Variants in CCDC91 observed in about 807,000 individuals in gnomAD.
CCDC91 encodes the protein coiled-coil domain-containing protein 91.
Under a neutral mutation model 63.2 loss-of-function variants are expected in CCDC91, and 48 were observed. The ratio of observed to expected loss-of-function variants is 0.76; its 90% CI spans 0.60 to 0.97. The LOEUF is 0.97. CCDC91 is among the 50% of genes least tolerant of loss of function. The pLI is 0.00. For synonymous variants in CCDC91, 167 were observed against 165.8 expected (o/e 1.01, Z -0.06); for missense variants, 500 against 494.6 (o/e 1.01, Z -0.10).
At chr12:28,497,896 A>G (rs1334340709) in intron 12 of CCDC91, among the ~76,000 whole-genome samples, 1 of 151,608 alleles carries the variant, frequency 6.6e-6, no homozygotes, top group East Asian at 1.9e-4. Flanking sequence ...TAATGTATTC[A>G]ACCCTTTGCT....
At chr12:28,520,349 G>T (rs201297047) in intron 12 of CCDC91, among the ~76,000 whole-genome samples, 1 of 152,090 alleles carries the variant, frequency 6.6e-6, no homozygotes, top group East Asian at 1.9e-4. Flanking sequence ...TCATGTGCCT[G>T]TTGGCTGCAT....
chr12:28,303,684 C>G (rs980566070), intron 3 of CCDC91, among the ~76,000 whole-genome samples: 3 of 152,070 alleles, frequency 2.0e-5, no homozygotes, highest in Non-Finnish European at 4.4e-5. Context: ...CAACACTTTA[C>G]TAAATGCTTT....
intron 1 of CCDC91, among the ~76,000 whole-genome samples, chr12:28,200,429 C>T (rs1289299531): frequency 1.6e-4 from 24 of 145,952 alleles, no homozygotes; most frequent in South Asian, 4.5e-4. Context: ...GAGGACCCTG[C>T]GGCCTTCCGC....
intron 6 of CCDC91, 90 bp from the exon 7 acceptor site, chr12:28,362,348 A>G (rs1176830064): frequency 6.5e-6 from 5 of 768,608 alleles, no homozygotes; most frequent in Non-Finnish European, 8.4e-6. Flanking sequence ...CCACTGAATC[A>G]TTCGTGGAAG....
intron 11 of CCDC91, among the ~76,000 whole-genome samples, chr12:28,459,524 A>G (rs1411017857): frequency 1.3e-5 from 2 of 152,146 alleles, no homozygotes; most frequent in African/African-American, 2.4e-5. Flanking sequence ...AGTTATTTAA[A>G]ATAGTGCTTC....
chr12:28,421,671 A>G (rs1176654872), intron 8 of CCDC91, among the ~76,000 whole-genome samples: 2 of 151,934 alleles, frequency 1.3e-5, no homozygotes, highest in East Asian at 1.9e-4. Flanking sequence ...GATGATTCCA[A>G]CAGTTTCCTG....
At chr12:28,247,070 T>C (rs1245497268) in intron 1 of CCDC91, among the ~76,000 whole-genome samples, 1 of 152,232 alleles carries the variant, frequency 6.6e-6, no homozygotes, top group Non-Finnish European at 1.5e-5. Context: ...CGTAGTGATT[T>C]GGCCAGCATC....
intron 12 of CCDC91, among the ~76,000 whole-genome samples, chr12:28,515,782 TA>T (rs1355295360): frequency 5.3e-5 from 8 of 151,918 alleles, no homozygotes; most frequent in African/African-American, 1.7e-4. Context: ...GATTCTATGT[TA>T]TTTTTTTCCT....
At chr12:28,277,320 C>G (rs1948303745) in intron 3 of CCDC91, among the ~76,000 whole-genome samples, 1 of 151,820 alleles carries the variant, frequency 6.6e-6, no homozygotes, top group Admixed American at 6.6e-5. Context: ...TGGGTTTTTT[C>G]TTTGATGAGG....
In CCDC91 at chr12:28,470,558, A is replaced by G. The variant is rs367946247; in HGVS notation, c.1102-13494A>G. Among the ~76,000 whole-genome samples the G allele has an allele frequency of 3.5e-4, 53 of 152,278 alleles. 1 individual carries two copies. In the South Asian group the frequency reaches 4.1e-3, roughly 12 times the overall value. On this transcript the variant is annotated intron_variant, in intron 11 of 12. Coordinates refer to ENST00000536442, the MANE Select transcript of CCDC91 (RefSeq NM_018318.5). ...CTCAAAAATCAAAAATAGAACTACC[A>G]TAGGATCCAGCCATCCCACTCCTGG...
chr12:28,398,256 T>A (rs1317346574), intron 8 of CCDC91, among the ~76,000 whole-genome samples: 3 of 152,180 alleles, frequency 2.0e-5, no homozygotes, highest in African/African-American at 7.2e-5. Context: ...TTTTTTCTGT[T>A]ATTTCATATA....
intron 11 of CCDC91, among the ~76,000 whole-genome samples, chr12:28,454,827 T>C (rs1049100191): frequency 1.3e-5 from 2 of 151,990 alleles, no homozygotes; most frequent in Non-Finnish European, 2.9e-5. Context: ...AGTTAGGTCT[T>C]GAGTTTTCCT....
chr12:28,242,307 GGCAGGTGCCC>G (rs1335073523), intron 1 of CCDC91, among the ~76,000 whole-genome samples: 4 of 152,130 alleles, frequency 2.6e-5, no homozygotes, highest in Admixed American at 2.6e-4. Context: ...TGTTTATACT[GGCAGGTGCCC>G]TTTTGGCGCT....
intron 8 of CCDC91, among the ~76,000 whole-genome samples, chr12:28,427,916 A>G (rs1199376248): frequency 6.6e-6 from 1 of 152,172 alleles, no homozygotes; most frequent in Non-Finnish European, 1.5e-5. Flanking sequence ...TTCTTAGATT[A>G]AAAGCTTTTT....
At chr12:28,548,829 C>G (rs1330596252) in intron 12 of CCDC91, among the ~76,000 whole-genome samples, 1 of 152,108 alleles carries the variant, frequency 6.6e-6, no homozygotes, top group African/African-American at 2.4e-5. Context: ...TGATATTTCT[C>G]TAATAACTGA....
intron 3 of CCDC91, among the ~76,000 whole-genome samples, chr12:28,293,953 A>G (rs1396010623): frequency 6.6e-6 from 1 of 152,024 alleles, no homozygotes; most frequent in African/African-American, 2.4e-5. Flanking sequence ...AATAACACAC[A>G]CACGCCCAAA....
At chr12:28,211,918 C>T (rs569220724) in intron 1 of CCDC91, among the ~76,000 whole-genome samples, 3 of 152,136 alleles carry the variant, frequency 2.0e-5, no homozygotes, top group Non-Finnish European at 2.9e-5. Context: ...TGTAAGAGGC[C>T]TCTAACTGGT....
At chr12:28,350,156 G>GCAAAA (rs995315311) in intron 6 of CCDC91, among the ~76,000 whole-genome samples, 1 of 151,856 alleles carries the variant, frequency 6.6e-6, no homozygotes, top group African/African-American at 2.4e-5. Context: ...ACTATTACAA[G>GCAAAA]CAAAACAAAA....
chr12:28,226,336 C>A (rs767258451), intron 1 of CCDC91: 5 of 152,136 alleles, frequency 3.3e-5, no homozygotes, highest in Non-Finnish European at 7.4e-5. Context: ...AGCTCCACCT[C>A]GTTTCTTTTC....
Sources: gnomAD v4.1 joint callset for allele counts (sites outside exome capture counted in the v4.1 genomes callset) on GRCh38, gnomAD v4.1.1 for gene constraint, MANE v1.5 for transcripts, NCBI Gene and HGNC (gene_info 2026-07-23, HGNC 2026-07-21) for gene names.